DIAPH3: variants seen among roughly 807,000 people sequenced by gnomAD.
The protein encoded by DIAPH3 is diaphanous related formin 3, also known as protein diaphanous homolog 3.
Under a neutral mutation model 144.3 loss-of-function variants are expected in DIAPH3, and 117 were observed. That is an observed-to-expected ratio of 0.81 (90% CI 0.70 to 0.95). The LOEUF (loss-of-function observed/expected upper bound fraction) is 0.95. DIAPH3 is among the 40% of genes least tolerant of loss of function. The pLI is 0.00. For synonymous variants in DIAPH3, 519 were observed against 488.9 expected (o/e 1.06, Z -0.81); for missense variants, 1,421 against 1,412.7 (o/e 1.01, Z -0.09).
intron 2 of DIAPH3, among the ~76,000 whole-genome samples, chr13:60,118,531 T>C (rs1383371610): frequency 1.3e-5 from 2 of 152,210 alleles, no homozygotes; most frequent in African/African-American, 4.8e-5. Flanking sequence ...TCCAAATACA[T>C]ACCTGAAATA....
intron 3 of DIAPH3, among the ~76,000 whole-genome samples, chr13:60,101,701 T>C (rs1183985812): frequency 6.6e-6 from 1 of 152,182 alleles, no homozygotes; most frequent in Non-Finnish European, 1.5e-5. Flanking sequence ...GCTACAGTCC[T>C]AATGACCACA....
intron 1 of DIAPH3, among the ~76,000 whole-genome samples, chr13:60,141,206 A>G (rs1022879859): frequency 1.3e-5 from 2 of 152,226 alleles, no homozygotes; most frequent in African/African-American, 4.8e-5. Context: ...TGAGAAAGTT[A>G]GGGTAAATAC....
At chr13:59,863,151 C>T (rs1242721502) in intron 21 of DIAPH3, among the ~76,000 whole-genome samples, 1 of 151,940 alleles carries the variant, frequency 6.6e-6, no homozygotes, top group African/African-American at 2.4e-5. Context: ...TAAAAGTTAG[C>T]TTGGGTTTTG....
chr13:59,745,625 T>C (rs1241381197), intron 27 of DIAPH3, among the ~76,000 whole-genome samples: 2 of 152,212 alleles, frequency 1.3e-5, no homozygotes, highest in African/African-American at 4.8e-5. Context: ...CAGTCATTCA[T>C]AATGCTCTGG....
intron 20 of DIAPH3, among the ~76,000 whole-genome samples, chr13:59,900,477 A>T (rs1157731206): frequency 2.0e-5 from 3 of 152,182 alleles, no homozygotes; most frequent in Non-Finnish European, 4.4e-5. Context: ...AACAAACTGC[A>T]ATAGTGTTAT....
intron 9 of DIAPH3, among the ~76,000 whole-genome samples, chr13:60,001,854 C>A (rs980315759): frequency 6.6e-6 from 1 of 152,154 alleles, no homozygotes; most frequent in African/African-American, 2.4e-5. Context: ...GAGAAAAAAA[C>A]TGACTTACTA....
chr13:59,879,717 T>A (rs1163980747), intron 20 of DIAPH3, among the ~76,000 whole-genome samples: 1 of 152,180 alleles, frequency 6.6e-6, no homozygotes, highest in Admixed American at 6.5e-5. Context: ...ATGATAATGT[T>A]TAATTAAGCA....
chr13:59,909,376 T>C (rs2046886054), intron 20 of DIAPH3, among the ~76,000 whole-genome samples: 1 of 151,460 alleles, frequency 6.6e-6, no homozygotes, highest in Admixed American at 6.6e-5. Context: ...TCAAGGATTG[T>C]TTGGAGCTTT....
chr13:59,953,522 C>G (rs1403227118), intron 17 of DIAPH3, among the ~76,000 whole-genome samples: 13 of 151,972 alleles, frequency 8.6e-5, no homozygotes. Flanking sequence ...CAGAAGGAAC[C>G]AATAGGAATT....
intron 23 of DIAPH3, among the ~76,000 whole-genome samples, chr13:59,836,696 TA>T (rs1228966676): frequency 6.6e-6 from 1 of 151,910 alleles, no homozygotes; most frequent in Non-Finnish European, 1.5e-5. Context: ...TTCACTAAAT[TA>T]TAATTATTTA....
At chr13:59,884,270 G>A (rs142445000) in intron 20 of DIAPH3, among the ~76,000 whole-genome samples, 1 of 152,126 alleles carries the variant, frequency 6.6e-6, no homozygotes, top group Admixed American at 6.6e-5. Context: ...CCATTTAGTT[G>A]CAGGAAAACA....
intron 27 of DIAPH3, among the ~76,000 whole-genome samples, chr13:59,757,876 A>G (rs571070375): frequency 6.6e-6 from 1 of 152,342 alleles, no homozygotes; most frequent in South Asian, 2.1e-4. Context: ...AGCTAATGGA[A>G]AAATGGGCAA....
chr13:59,843,651 A>G (rs960325256), intron 22 of DIAPH3, among the ~76,000 whole-genome samples: 6 of 152,224 alleles, frequency 3.9e-5, no homozygotes, highest in African/African-American at 1.4e-4. Context: ...TGCAAATCTC[A>G]CTAAGCCATT....
intron 2 of DIAPH3, 37 bp from the exon 3 acceptor site, chr13:60,112,223 T>A: frequency 6.2e-7 from 1 of 1,610,952 alleles, no homozygotes; most frequent in Non-Finnish European, 8.5e-7. Flanking sequence ...GTGTAAGTAT[T>A]TCCTTTCCCA....
chr13:60,023,777 C>A (rs1005449011), intron 5 of DIAPH3, among the ~76,000 whole-genome samples: 1 of 131,720 alleles, frequency 7.6e-6, no homozygotes, highest in Non-Finnish European at 1.6e-5. Context: ...GTGTGAATTT[C>A]TTTGAGTTTA....
At chr13:60,136,969 G>A (rs1360085205) in intron 1 of DIAPH3, among the ~76,000 whole-genome samples, 2 of 151,924 alleles carry the variant, frequency 1.3e-5, no homozygotes, top group Admixed American at 6.6e-5. Flanking sequence ...ATAAATAACC[G>A]TTCTGTCCAC....
chr13:60,045,116 C>A (rs1220829380), intron 4 of DIAPH3, among the ~76,000 whole-genome samples: 1 of 151,932 alleles, frequency 6.6e-6, no homozygotes, highest in East Asian at 1.9e-4. Flanking sequence ...CTGAGGCGGG[C>A]GGATCACCTG....
chr13:60,006,457 T>A (rs1460971330), intron 9 of DIAPH3, among the ~76,000 whole-genome samples: 2 of 152,000 alleles, frequency 1.3e-5, no homozygotes, highest in African/African-American at 4.8e-5. Flanking sequence ...CAAAAAAAAA[T>A]CAGATAAAGT....
At chr13:60,112,622 G>A (rs557412499) in intron 2 of DIAPH3, among the ~76,000 whole-genome samples, 1 of 152,224 alleles carries the variant, frequency 6.6e-6, no homozygotes, top group African/African-American at 2.4e-5. Context: ...TCGGAGTGGG[G>A]GTGGGAGGGG....
Sources: gnomAD v4.1 joint callset for allele counts (sites outside exome capture counted in the v4.1 genomes callset) on GRCh38, gnomAD v4.1.1 for gene constraint, MANE v1.5 for transcripts, NCBI Gene and HGNC (gene_info 2026-07-23, HGNC 2026-07-21) for gene names.